The following PPP3CC variants were observed in gnomAD, a reference collection of about 807,000 sequenced individuals.
PPP3CC encodes the protein protein phosphatase 3 catalytic subunit gamma, also known as serine/threonine-protein phosphatase 2B catalytic subunit gamma isoform.
In PPP3CC, 35 loss-of-function variants were observed where a neutral mutation model predicts 60.3. That is an observed-to-expected ratio of 0.58 (90% CI 0.44 to 0.77). The LOEUF (loss-of-function observed/expected upper bound fraction) is 0.77. Ranked by LOEUF, PPP3CC falls within the 30% of genes least tolerant of loss-of-function variation. The pLI is 0.00. For missense variants in PPP3CC, 570 were observed against 628.9 expected, an observed-to-expected ratio of 0.91 and a Z score of 1.00; for synonymous variants, 206 against 224.3, an observed-to-expected ratio of 0.92 and a Z score of 0.73.
intron 4 of PPP3CC, among the ~76,000 whole-genome samples, chr8:22,509,467 T>C (rs1234455058): frequency 6.6e-6 from 1 of 152,186 alleles, no homozygotes; most frequent in African/African-American, 2.4e-5. Flanking sequence ...TTTCTCGTCT[T>C]CTCTACCCAC....
At position 22,486,056 on chromosome 8, in the gene PPP3CC, C is replaced by G. The variant is rs192905123; in HGVS notation, c.372+10432C>G. Among the ~76,000 whole-genome samples, 6 of 151,732 alleles carry G rather than the reference C, an allele frequency of 4.0e-5. No individual in the cohort carries two copies. In the East Asian group the frequency reaches 9.8e-4, roughly 25 times the overall value. ...TTATATGTCCTGAGTGCTTCCCCCCCGCCCTCTTGACTCTGTTTTAGTTGG... is the reference window on the plus strand; with the variant it reads ...TTATATGTCCTGAGTGCTTCCCCCCGGCCCTCTTGACTCTGTTTTAGTTGG... On this transcript the variant is annotated intron_variant, in intron 3 of 13. Transcript: ENST00000240139.
At chr8:22,449,800 G>T (rs1163837116) in intron 1 of PPP3CC, among the ~76,000 whole-genome samples, 2 of 151,650 alleles carry the variant, frequency 1.3e-5, no homozygotes, top group Non-Finnish European at 2.9e-5. Context: ...AAAACTGGTG[G>T]AGCAGTTGAC....
At chr8:22,458,480 C>A (rs1472463645) in intron 1 of PPP3CC, among the ~76,000 whole-genome samples, 1 of 151,820 alleles carries the variant, frequency 6.6e-6, no homozygotes, top group Non-Finnish European at 1.5e-5. Flanking sequence ...CAACTGTAAT[C>A]CTAGCTACTT....
intron 1 of PPP3CC, among the ~76,000 whole-genome samples, chr8:22,441,725 G>T (rs1836679027): frequency 6.6e-6 from 1 of 151,646 alleles, no homozygotes; most frequent in South Asian, 2.1e-4. Context: ...CCACCGCCCC[G>T]AAGGGCCCGG....
rs1040648992 is a variant in PPP3CC, at chr8:22,491,781, G to T, written c.373-6220G>T. On this transcript the variant is annotated intron_variant, in intron 3 of 13. Coordinates refer to ENST00000240139, the MANE Select transcript of PPP3CC (RefSeq NM_005605.5). ...TTGATGTAATTTGATTAAAGAAAAT[G>T]ATTGGAATAATACTCATTCTTTGAA... Among the ~76,000 whole-genome samples, 41 of 152,232 alleles carry T rather than the reference G, an allele frequency of 2.7e-4. 1 individual carries two copies. Among genetic ancestry groups the T allele is most frequent in the African/African-American group, 9.4e-4 (39 of 41,540 alleles).
At chr8:22,488,592 G>T (rs1232069656) in intron 3 of PPP3CC, among the ~76,000 whole-genome samples, 1 of 152,180 alleles carries the variant, frequency 6.6e-6, no homozygotes, top group African/African-American at 2.4e-5. Flanking sequence ...AGATTCTGGG[G>T]ATCTAACAGG....
chr8:22,480,091 AATCTGATTGTGCATGTT>A (rs1401657621), intron 3 of PPP3CC, among the ~76,000 whole-genome samples: 195 of 152,312 alleles, frequency 1.3e-3, no homozygotes, highest in African/African-American at 4.4e-3. Context: ...CTTTTCCATG[AATCTGATTGTGCATGTT>A]TTTAGAGACA....
chr8:22,465,764 G>A (rs185305739), intron 1 of PPP3CC, among the ~76,000 whole-genome samples: 94 of 152,214 alleles, frequency 6.2e-4, no homozygotes, highest in Non-Finnish European at 1.0e-3. Flanking sequence ...ACACAAAACA[G>A]ACCAAGACAG....
chr8:22,487,537 A>C (rs1419868442), intron 3 of PPP3CC, among the ~76,000 whole-genome samples: 1 of 152,106 alleles, frequency 6.6e-6, no homozygotes, highest in East Asian at 1.9e-4. Context: ...AGGCAGGAGA[A>C]TTGTGTGAAC....
chr8:22,489,699 T>TATATAAGTATATATTAC (rs1838332787), intron 3 of PPP3CC, among the ~76,000 whole-genome samples: 1 of 142,220 alleles, frequency 7.0e-6, no homozygotes, highest in African/African-American at 2.6e-5. Context: ...GTATATATTA[T>TATATAAGTATATATTAC]ATATTATATA....
At chr8:22,454,381 A>G (rs2132436030) in intron 1 of PPP3CC, among the ~76,000 whole-genome samples, 1 of 152,312 alleles carries the variant, frequency 6.6e-6, no homozygotes, top group Admixed American at 6.5e-5. Flanking sequence ...TCCTATGACA[A>G]CAATGCCTTC....
intron 6 of PPP3CC, among the ~76,000 whole-genome samples, chr8:22,517,587 G>A (rs1195215110): frequency 6.6e-6 from 1 of 152,014 alleles, no homozygotes; most frequent in African/African-American, 2.4e-5. Flanking sequence ...ATTCAGTTTT[G>A]GCAGGTTGTA....
At chr8:22,485,078 TTGAA>T (rs1353717514) in intron 3 of PPP3CC, among the ~76,000 whole-genome samples, 1 of 152,178 alleles carries the variant, frequency 6.6e-6, no homozygotes, top group African/African-American at 2.4e-5. Context: ...AACAGACTGT[TTGAA>T]TGATCCTTAC....
At chr8:22,442,792 A>G (rs985701140) in intron 1 of PPP3CC, among the ~76,000 whole-genome samples, 3 of 152,204 alleles carry the variant, frequency 2.0e-5, no homozygotes, top group African/African-American at 7.2e-5. Flanking sequence ...AATCAAGGTC[A>G]TTATGTACAT....
At chr8:22,475,408 A>C (rs1837856594) in intron 2 of PPP3CC, 92 bp from the exon 3 acceptor site, 1 of 1,381,404 alleles carries the variant, frequency 7.2e-7, no homozygotes, top group Non-Finnish European at 9.9e-7. Context: ...GGAGTGATTT[A>C]AGTTAGAAGT....
At chr8:22,489,189 T>C (rs1459339797) in intron 3 of PPP3CC, among the ~76,000 whole-genome samples, 1 of 152,076 alleles carries the variant, frequency 6.6e-6, no homozygotes, top group East Asian at 1.9e-4. Context: ...GTAAGAGATG[T>C]CAGTAATTAG....
At chr8:22,525,709 C>A (rs978708416) in intron 8 of PPP3CC, among the ~76,000 whole-genome samples, 2 of 151,502 alleles carry the variant, frequency 1.3e-5, no homozygotes, top group African/African-American at 4.9e-5. Flanking sequence ...AGGTGCATGC[C>A]GCTACACCTG....
At chr8:22,513,492 G>A in intron 6 of PPP3CC, 60 bp downstream of exon 6, 1 of 1,479,520 alleles carries the variant, frequency 6.8e-7, no homozygotes, top group Non-Finnish European at 9.1e-7. Context: ...TTTATCAGAT[G>A]ATTTTTCAGC....
chr8:22,510,980 C>G, intron 4 of PPP3CC, 106 bp from the exon 5 acceptor site: 2 of 1,234,092 alleles, frequency 1.6e-6, no homozygotes, highest in Non-Finnish European at 2.3e-6. Context: ...TTCAAATCAT[C>G]TAAAATAAAT....
Sources: allele counts gnomAD v4.1 joint callset (sites outside exome capture counted in the v4.1 genomes callset), GRCh38; gene constraint gnomAD v4.1.1; transcripts MANE v1.5; gene names NCBI Gene and HGNC (gene_info 2026-07-23, HGNC 2026-07-21).